IGF1: variants seen among roughly 807,000 people sequenced by gnomAD.
IGF1 encodes the protein insulin like growth factor 1, also known as insulin-like growth factor 1.
Under a neutral mutation model 13.8 loss-of-function variants are expected in IGF1, and 4 were observed. The ratio of observed to expected loss-of-function variants is 0.29; its 90% CI spans 0.14 to 0.66. The LOEUF (loss-of-function observed/expected upper bound fraction) is 0.66, where lower values mean the gene tolerates loss of function less well. Ranked by LOEUF, IGF1 falls within the 30% of genes least tolerant of loss-of-function variation. The pLI, the probability that IGF1 is intolerant of heterozygous loss-of-function variation, is 0.78. For missense variants in IGF1, 124 were observed against 188.5 expected (o/e 0.66, Z 2.00); for synonymous variants, 76 against 72.6 (o/e 1.05, Z -0.23).
At chr12:102,436,081 A>G (rs1488098070) in intron 2 of IGF1, among the ~76,000 whole-genome samples, 2 of 152,242 alleles carry the variant, frequency 1.3e-5, no homozygotes, top group Non-Finnish European at 2.9e-5. Flanking sequence ...AGGTATCTAT[A>G]TGTCAGTCTA....
intron 2 of IGF1, among the ~76,000 whole-genome samples, chr12:102,436,151 A>G (rs1033417715): frequency 6.6e-6 from 1 of 152,224 alleles, no homozygotes; most frequent in Admixed American, 6.5e-5. Flanking sequence ...CTTCAAAGTA[A>G]CAAACTGAAC....
chr12:102,433,292 A>G (rs1253847846), intron 2 of IGF1, among the ~76,000 whole-genome samples: 2 of 152,206 alleles, frequency 1.3e-5, no homozygotes, highest in East Asian at 1.9e-4. Context: ...AGTACCAGGG[A>G]TAAGAAGTTA....
chr12:102,412,700 T>A (rs1415418640), intron 3 of IGF1, among the ~76,000 whole-genome samples: 1 of 152,238 alleles, frequency 6.6e-6, no homozygotes, highest in East Asian at 1.9e-4. Flanking sequence ...AAAGTTATAA[T>A]TGAGTTCCTG....
At chr12:102,431,964 A>T (rs1876778368) in intron 2 of IGF1, among the ~76,000 whole-genome samples, 1 of 152,194 alleles carries the variant, frequency 6.6e-6, no homozygotes, top group African/African-American at 2.4e-5. Context: ...GCCTTGTTTC[A>T]TAGCCTGCCA....
intron 2 of IGF1, among the ~76,000 whole-genome samples, chr12:102,473,589 A>G (rs1880821625): frequency 6.6e-6 from 1 of 152,230 alleles, no homozygotes. Flanking sequence ...CATATTTTCA[A>G]TGACAATACT....
At chr12:102,446,726 G>T (rs1878366721) in intron 2 of IGF1, among the ~76,000 whole-genome samples, 1 of 151,998 alleles carries the variant, frequency 6.6e-6, no homozygotes, top group South Asian at 2.1e-4. Context: ...ATCTCTTTCA[G>T]TTCTGCTCTG....
intron 1 of IGF1, among the ~76,000 whole-genome samples, chr12:102,479,155 G>A (rs966547476): frequency 4.6e-5 from 7 of 152,232 alleles, no homozygotes; most frequent in African/African-American, 1.7e-4. Context: ...TGTATGCACA[G>A]TGACGTCATT....
chr12:102,410,397 C>T (rs1012504623), intron 3 of IGF1, among the ~76,000 whole-genome samples: 3 of 152,176 alleles, frequency 2.0e-5, no homozygotes, highest in South Asian at 2.1e-4. Context: ...TATTATCTTT[C>T]GCAGAGGGAG....
chr12:102,470,557 A>T (rs1318572989), intron 2 of IGF1, among the ~76,000 whole-genome samples: 1 of 152,166 alleles, frequency 6.6e-6, no homozygotes, highest in African/African-American at 2.4e-5. Context: ...TAGTGGTACT[A>T]ATGAGGCCAG....
chr12:102,432,846 AAATAC>A (rs2137056035), intron 2 of IGF1, among the ~76,000 whole-genome samples: 1 of 150,362 alleles, frequency 6.7e-6, no homozygotes, highest in East Asian at 2.1e-4. Flanking sequence ...AGTATAATAA[AAATAC>A]ATACATACAT....
At chr12:102,407,194 C>A (rs1322450941) in intron 3 of IGF1, among the ~76,000 whole-genome samples, 2 of 147,362 alleles carry the variant, frequency 1.4e-5, no homozygotes, top group Non-Finnish European at 3.0e-5. Context: ...TTTGCAAAGG[C>A]TTTACAGTTT....
chr12:102,430,709 TCTC>T (rs1565977643), intron 2 of IGF1, among the ~76,000 whole-genome samples: 1 of 152,226 alleles, frequency 6.6e-6, no homozygotes, highest in Non-Finnish European at 1.5e-5. Context: ...TTGTTCATCT[TCTC>T]CTCTTCATCT....
chr12:102,453,581 C>CA lies in IGF1; in HGVS notation c.220+22061dup, dbSNP rs535761658. Among the ~76,000 whole-genome samples the CA allele has an allele frequency of 1.3e-3, 190 of 151,942 alleles. 1 individual carries two copies. The highest frequency in any genetic ancestry group is 4.5e-3 in the African/African-American group (187 of 41,444). On this transcript the variant is annotated intron_variant, in intron 2 of 3. Transcript: ENST00000337514. ...AAGGTTGGGAAAATTACTGTATGTA[C>CA]AAAAAAAGAGAGGCCTCTAACAGGG...
At position 102,433,948 on chromosome 12, in the gene IGF1, C is replaced by T. The variant is rs1399572163; in HGVS notation, c.221-14258G>A. 4.6e-5 allele frequency among the ~76,000 whole-genome samples: 7 copies of T among 152,152 alleles called. No homozygotes were observed. The East Asian group carries it at 1.3e-3, about 29-fold the overall frequency. On this transcript the variant is annotated intron_variant, in intron 2 of 3. Transcript: ENST00000337514. ...CAAGCACTCCCAGAATGTCATCTCA[C>T]CCCACCCTCCTTAGCATCATTATGA...
chr12:102,397,058 CG>C lies in IGF1; in HGVS notation c.*5448del. ...TCTATTAAAAATCCAAAAAATTAGC[CG>C]GGCATAGTGGTGGGTGCCTGTAATC... On this transcript the variant is annotated 3_prime_UTR_variant, in exon 4 of 4. Coordinates refer to ENST00000337514, the MANE Select transcript of IGF1 (RefSeq NM_000618.5). The C allele has an allele frequency of 2.7e-6, 1 of 366,042 alleles. No homozygotes were observed. Among genetic ancestry groups the C allele is most frequent in the Non-Finnish European group, 4.8e-6 (1 of 206,360 alleles). 22.7% of individuals were successfully genotyped at this position (366,042 alleles called of 1,614,324 possible).
chr12:102,464,073 A>T (rs1252659882), intron 2 of IGF1, among the ~76,000 whole-genome samples: 7 of 152,194 alleles, frequency 4.6e-5, no homozygotes, highest in African/African-American at 1.7e-4. Context: ...GGGATGTACC[A>T]GTTGTTGCAT....
rs1289621725 is a variant in IGF1 at position 102,398,943 on chromosome 12, T to TG, written c.*3563dup. 1 of 152,572 alleles carries TG rather than the reference T, an allele frequency of 6.6e-6. No homozygotes were observed. Among genetic ancestry groups the TG allele is most frequent in the Non-Finnish European group, 1.5e-5 (1 of 68,006 alleles). 9.5% of individuals were successfully genotyped at this position (152,572 alleles called of 1,614,324 possible). A position where few individuals can be genotyped will look rare whatever the true frequency, so the allele number is the denominator to read the frequency against. On this transcript the variant is annotated 3_prime_UTR_variant, in exon 4 of 4. Transcript: ENST00000337514. ...GTGCATAAAATAGTAACAGAAACCC[T>TG]GGAGCCACAGAGCATGAGATGGTTT...
intron 2 of IGF1, among the ~76,000 whole-genome samples, chr12:102,457,232 A>T (rs1412427493): frequency 6.6e-6 from 1 of 152,184 alleles, no homozygotes; most frequent in Non-Finnish European, 1.5e-5. Flanking sequence ...GCTTAAATTC[A>T]CTCAAATTCT....
At chr12:102,475,536 C>A in intron 2 of IGF1, 107 bp downstream of exon 2, 3 of 1,291,486 alleles carry the variant, frequency 2.3e-6, no homozygotes, top group Non-Finnish European at 3.4e-6. Context: ...AGGATGGCTG[C>A]CAGATACGGG....
Sources: allele counts gnomAD v4.1 joint callset (sites outside exome capture counted in the v4.1 genomes callset), GRCh38; gene constraint gnomAD v4.1.1; transcripts MANE v1.5; gene names NCBI Gene and HGNC (gene_info 2026-07-23, HGNC 2026-07-21).